The following LRP1B variants were observed in gnomAD, a reference collection of about 807,000 sequenced individuals.
The protein encoded by LRP1B is low-density lipoprotein receptor-related protein 1B.
In LRP1B, 217 loss-of-function variants were observed where a neutral mutation model predicts 556.6. That is an observed-to-expected ratio of 0.39 (90% confidence interval 0.35 to 0.44). The LOEUF is 0.44. Ranked by LOEUF, LRP1B falls within the 20% of genes least tolerant of loss-of-function variation. LRP1B has a pLI of 1.00. For missense variants in LRP1B, 5,053 were observed against 5,620.8 expected, an observed-to-expected ratio of 0.90 and a Z score of 3.23; for synonymous variants, 2,047 against 1,865.8, an observed-to-expected ratio of 1.10 and a Z score of -2.50.
At chr2:140,999,913 T>C (rs947006660) in intron 15 of LRP1B, among the ~76,000 whole-genome samples, 2 of 151,988 alleles carry the variant, frequency 1.3e-5, no homozygotes, top group Non-Finnish European at 2.9e-5. Context: ...TATTTACTTA[T>C]GTATTTATTT....
chr2:141,547,209 G>T (rs574572259), intron 2 of LRP1B, among the ~76,000 whole-genome samples: 1 of 152,046 alleles, frequency 6.6e-6, no homozygotes, highest in Non-Finnish European at 1.5e-5. Context: ...CCAAGATATC[G>T]CAGAGACATA....
intron 2 of LRP1B, among the ~76,000 whole-genome samples, chr2:141,535,539 TA>T (rs146068131): frequency 0.12 from 16,930 of 142,970 alleles, 1,119 homozygotes; most frequent in South Asian, 0.26. Flanking sequence ...AGCAATGGTA[TA>T]AAAAAAAAAA....
At chr2:141,448,164 C>T (rs1681269775) in intron 3 of LRP1B, among the ~76,000 whole-genome samples, 1 of 152,140 alleles carries the variant, frequency 6.6e-6, no homozygotes, top group South Asian at 2.1e-4. Flanking sequence ...CTTTGCTGAG[C>T]TGTGGTGGGC....
At chr2:141,495,193 G>A (rs1424758447) in intron 2 of LRP1B, among the ~76,000 whole-genome samples, 1 of 152,100 alleles carries the variant, frequency 6.6e-6, no homozygotes, top group Non-Finnish European at 1.5e-5. Context: ...GGACTCCAAA[G>A]CTGGTCAGCT....
intron 2 of LRP1B, among the ~76,000 whole-genome samples, chr2:141,646,692 AG>A (rs1333465498): frequency 6.6e-6 from 1 of 152,172 alleles, no homozygotes; most frequent in Non-Finnish European, 1.5e-5. Flanking sequence ...AAGCTCAAGT[AG>A]TACTCAGGAG....
intron 27 of LRP1B, among the ~76,000 whole-genome samples, chr2:140,853,982 G>A (rs1285785479): frequency 6.7e-6 from 1 of 150,204 alleles, no homozygotes. Context: ...AAGAGGCAGT[G>A]TTAAGTGTCA....
chr2:141,384,712 C>T (rs1376166485), intron 3 of LRP1B, among the ~76,000 whole-genome samples: 3 of 152,166 alleles, frequency 2.0e-5, no homozygotes, highest in African/African-American at 4.8e-5. Flanking sequence ...AATCAAACAT[C>T]TTGGCCCCTC....
chr2:141,247,380 C>T (rs2105327962), intron 4 of LRP1B, 26 bp from the exon 5 acceptor site: 3 of 1,611,234 alleles, frequency 1.9e-6, no homozygotes, highest in Non-Finnish European at 2.5e-6. Context: ...GGCATCATTT[C>T]TAAGCAGCTT....
intron 1 of LRP1B, among the ~76,000 whole-genome samples, chr2:142,045,801 T>C (rs1426309340): frequency 6.6e-6 from 1 of 151,900 alleles, no homozygotes; most frequent in African/African-American, 2.4e-5. Context: ...CAGTGCCACA[T>C]TGTCTGTAAA....
At chr2:141,358,863 A>G (rs1274383528) in intron 3 of LRP1B, among the ~76,000 whole-genome samples, 1 of 152,194 alleles carries the variant, frequency 6.6e-6, no homozygotes, top group Non-Finnish European at 1.5e-5. Context: ...TTCTACAAAT[A>G]TATAATATAG....
At chr2:141,282,325 A>G (rs1685539320) in intron 3 of LRP1B, among the ~76,000 whole-genome samples, 1 of 152,092 alleles carries the variant, frequency 6.6e-6, no homozygotes, top group Non-Finnish European at 1.5e-5. Context: ...CAATCTGGAC[A>G]ATAGATAATG....
At chr2:142,018,784 AC>A (rs1385811436) in intron 1 of LRP1B, among the ~76,000 whole-genome samples, 1 of 150,212 alleles carries the variant, frequency 6.7e-6, no homozygotes, top group Admixed American at 6.6e-5. Context: ...ATCCTGACTT[AC>A]GCTTTTTTTT....
intron 2 of LRP1B, among the ~76,000 whole-genome samples, chr2:141,698,476 A>G (rs2105457554): frequency 6.9e-6 from 1 of 145,722 alleles, no homozygotes; most frequent in Non-Finnish European, 1.5e-5. Context: ...CAGACATTGC[A>G]AAATCTGTTG....
chr2:141,993,410 G>T (rs551382894), intron 1 of LRP1B, among the ~76,000 whole-genome samples: 4 of 121,822 alleles, frequency 3.3e-5, no homozygotes, highest in South Asian at 6.0e-4. Context: ...GCTGCTGGGG[G>T]CTCCACTAGG....
At chr2:142,045,652 T>C (rs547127957) in intron 1 of LRP1B, among the ~76,000 whole-genome samples, 3 of 152,034 alleles carry the variant, frequency 2.0e-5, no homozygotes, top group African/African-American at 4.8e-5. Flanking sequence ...ATATCTAATA[T>C]ATTTAATCGG....
At chr2:140,948,392 T>C (rs1002923093) in intron 20 of LRP1B, among the ~76,000 whole-genome samples, 2 of 152,204 alleles carry the variant, frequency 1.3e-5, no homozygotes, top group African/African-American at 2.4e-5. Context: ...ATATACTTTT[T>C]CTTTTTTCAC....
chr2:140,334,221 C>T (rs1449566022), intron 79 of LRP1B, among the ~76,000 whole-genome samples: 1 of 151,978 alleles, frequency 6.6e-6, no homozygotes, highest in Admixed American at 6.6e-5. Flanking sequence ...AATAGCCTTA[C>T]AACTTAGGCA....
chr2:140,381,037 T>C lies in LRP1B; in HGVS notation c.10532-2751A>G, dbSNP rs1173709465. 2.0e-5 allele frequency among the ~76,000 whole-genome samples: 3 copies of C among 152,254 alleles called. No individual in the cohort carries two copies. The East Asian group carries it at 5.8e-4, about 29-fold the overall frequency. Reference sequence around the variant, plus strand: ...ACTTCTGAATAATAATCATGAATTATTTATACATGTACAAATACCATCAAG... The same window carrying C: ...ACTTCTGAATAATAATCATGAATTACTTATACATGTACAAATACCATCAAG... On this transcript the variant is annotated intron_variant, in intron 67 of 90. Coordinates refer to ENST00000389484, the MANE Select transcript of LRP1B (RefSeq NM_018557.3).
At chr2:140,551,982 T>A (rs1185576631) in intron 43 of LRP1B, among the ~76,000 whole-genome samples, 1 of 152,168 alleles carries the variant, frequency 6.6e-6, no homozygotes, top group Non-Finnish European at 1.5e-5. Flanking sequence ...TTACTGGTAA[T>A]GACTGAAGCT....
Sources: allele counts gnomAD v4.1 joint callset (sites outside exome capture counted in the v4.1 genomes callset), GRCh38; gene constraint gnomAD v4.1.1; transcripts MANE v1.5; gene names NCBI Gene and HGNC (gene_info 2026-07-23, HGNC 2026-07-21).